Variants in MYO16 observed in about 807,000 individuals in gnomAD.
The protein encoded by MYO16 is myosin XVI, also known as unconventional myosin-XVI.
A neutral mutation model predicts 205.3 loss-of-function variants in MYO16; 94 were observed. The ratio of observed to expected loss-of-function variants is 0.46; its 90% confidence interval spans 0.39 to 0.54. The LOEUF (loss-of-function observed/expected upper bound fraction) is 0.54, where lower values mean the gene tolerates loss of function less well. Ranked by LOEUF, MYO16 falls within the 20% of genes least tolerant of loss-of-function variation. MYO16 has a pLI of 0.00. For missense variants in MYO16, 2,315 were observed against 2,387.5 expected, an observed-to-expected ratio of 0.97 and a Z score of 0.63; for synonymous variants, 988 against 954.0, an observed-to-expected ratio of 1.04 and a Z score of -0.66.
chr13:108,985,423 G>A (rs1212111485), intron 20 of MYO16, among the ~76,000 whole-genome samples: 2 of 152,170 alleles, frequency 1.3e-5, no homozygotes, highest in East Asian at 3.9e-4. Flanking sequence ...TTGTGGGAAG[G>A]AGTAAAGTCA....
chr13:108,585,743 G>A, the MYO16 span, among the ~76,000 whole-genome samples: 2 of 151,998 alleles, frequency 1.3e-5, no homozygotes, highest in Non-Finnish European at 2.9e-5. Flanking sequence ...AATATATAGG[G>A]TCAAATGAAA....
chr13:109,152,995 T>C (rs549542995), intron 32 of MYO16, among the ~76,000 whole-genome samples: 1 of 152,240 alleles, frequency 6.6e-6, no homozygotes, highest in South Asian at 2.1e-4. Context: ...AAGCAGACCA[T>C]GGCAAGGAAA....
At chr13:108,772,360 A>AAAAAGAAAAG (rs111731215) in intron 4 of MYO16, among the ~76,000 whole-genome samples, 22 of 151,802 alleles carry the variant, frequency 1.4e-4, no homozygotes, top group African/African-American at 3.9e-4. Context: ...AAAAGAAAGA[A>AAAAAGAAAAG]AAAAGAAAAG....
At chr13:108,592,428 G>A (rs1343776593), upstream of MYO16, among the ~76,000 whole-genome samples, 1 of 110,844 alleles carries the variant, frequency 9.0e-6, no homozygotes, top group Non-Finnish European at 1.9e-5. Flanking sequence ...TGTGTGTGGA[G>A]GGGGGTATGT....
At chr13:109,157,835 A>G (rs1594139594) in intron 32 of MYO16, among the ~76,000 whole-genome samples, 1 of 152,160 alleles carries the variant, frequency 6.6e-6, no homozygotes, top group Admixed American at 6.5e-5. Context: ...TCATTCTTCT[A>G]TACCCCTCAG....
intron 27 of MYO16, among the ~76,000 whole-genome samples, chr13:109,084,459 A>G (rs1029934577): frequency 6.6e-6 from 1 of 152,142 alleles, no homozygotes; most frequent in Non-Finnish European, 1.5e-5. Context: ...TAAGAAATGA[A>G]TGGCTATGAA....
Position 108,727,487 on chromosome 13 carries a change from A to C in MYO16, c.411A>C (p.Arg137Ser). 1 of 1,613,936 alleles carries C rather than the reference A, an allele frequency of 6.2e-7. No individual in the cohort carries two copies. Among genetic ancestry groups the C allele is most frequent in the East Asian group, 2.2e-5 (1 of 44,852 alleles). Residue 137 changes from arginine (R) to serine (S), a missense_variant, in exon 4 of 35, where the codon AGA (arginine) becomes AGC (serine). Around this residue, in one of 3 missense-constraint regions of MYO16, gnomAD observed 1,213 missense variants for 1,274.4 expected, o/e 0.95. Transcript: ENST00000457511. The part of the protein sequence containing the change: ...NAFIAEILID[R>S]GVNVNHQDED... ...TCATTGCAGAAATTCTGATTGACAG[A>C]GGAGTCAACGTCAACCACCAGGATG...
At chr13:108,919,154 T>C (rs919129321) in intron 16 of MYO16, among the ~76,000 whole-genome samples, 3 of 152,144 alleles carry the variant, frequency 2.0e-5, no homozygotes, top group African/African-American at 7.2e-5. Context: ...GTCATGTGTA[T>C]AAAAAAGAGG....
rs1877087917 is a variant in MYO16, at chr13:109,141,359, A to G, written c.5147A>G (p.Lys1716Arg). The change falls in exon 32 of 35, where the codon AAA becomes AGA. Residue 1716 changes from lysine (K) to arginine (R), a missense_variant. This residue lies in a region of MYO16 where 1,097 missense variants were observed against 1,092.0 expected (regional missense o/e 1.00). Transcript: ENST00000457511. This position sits in a 1 kb window ranked among gnomAD's most constrained non-coding sequence, Gnocchi z 4.1. Reference sequence around the variant, plus strand: ...CTTCGGAAATCCGCGGCGGGAAGAAAAATCAGGGAAGCAGAAGGTAAGCGG... The same window carrying G: ...CTTCGGAAATCCGCGGCGGGAAGAAGAATCAGGGAAGCAGAAGGTAAGCGG... ...SVLRKSAAGR[K>R]IREAEGFETN... 1.3e-6 allele frequency: 2 copies of G among 1,543,378 alleles called. No homozygotes were observed. The highest frequency in any genetic ancestry group is 1.4e-5 in the African/African-American group (1 of 71,002).
At chr13:108,962,378 CA>C in intron 18 of MYO16, 45 bp from the exon 19 acceptor site, 5 of 1,491,226 alleles carry the variant, frequency 3.4e-6, no homozygotes, top group Middle Eastern at 1.7e-4. Context: ...TTCTTGGTAT[CA>C]AAAAATATAC....
At chr13:108,859,868 A>G (rs539197976) in intron 11 of MYO16, among the ~76,000 whole-genome samples, 2 of 152,316 alleles carry the variant, frequency 1.3e-5, no homozygotes, top group East Asian at 3.9e-4. Flanking sequence ...AGCCAAGAGA[A>G]TTCTGAAACA....
chr13:109,169,291 C>A (rs1878830639), intron 33 of MYO16, among the ~76,000 whole-genome samples: 1 of 151,418 alleles, frequency 6.6e-6, no homozygotes, highest in South Asian at 2.1e-4. Context: ...AGAAACAGAA[C>A]AAAAACTAAA....
chr13:108,966,370 G>A (rs1245249917), intron 20 of MYO16, among the ~76,000 whole-genome samples: 1 of 152,114 alleles, frequency 6.6e-6, no homozygotes, highest in African/African-American at 2.4e-5. Context: ...GCTGTACATA[G>A]AAACTTCTAG....
chr13:108,882,348 C>A (rs1274745042), intron 12 of MYO16, among the ~76,000 whole-genome samples: 2 of 152,100 alleles, frequency 1.3e-5, no homozygotes, highest in African/African-American at 4.8e-5. Context: ...ACCACCATGC[C>A]CTTGACTCTC....
intron 32 of MYO16, among the ~76,000 whole-genome samples, chr13:109,157,451 C>T (rs1475184832): frequency 6.6e-6 from 1 of 152,058 alleles, no homozygotes; most frequent in Non-Finnish European, 1.5e-5. Flanking sequence ...TTTTCCCTCC[C>T]CCTCTCCACA....
Position 109,127,569 on chromosome 13 carries a change from C to CCCAG in MYO16, c.4051+22_4051+25dup. 3.1e-6 allele frequency: 5 copies of CCCAG among 1,603,810 alleles called. No homozygotes were observed. The highest frequency in any genetic ancestry group is 4.2e-6 in the Non-Finnish European group (5 of 1,178,536). On this transcript the variant is annotated intron_variant, in intron 31 of 34. Transcript: ENST00000457511. This position sits in a 1 kb window ranked among gnomAD's most constrained non-coding sequence, Gnocchi z 4.2. ...AACGAAGGTCAGCCCTGGGGAGGGACCCAGCCTCGTGTTCCGGGCTCGCGC... is the reference window on the plus strand; with the variant it reads ...AACGAAGGTCAGCCCTGGGGAGGGACCCAGCCAGCCTCGTGTTCCGGGCTCGCGC...
At chr13:108,764,517 A>G (rs1032359561) in intron 4 of MYO16, among the ~76,000 whole-genome samples, 1 of 152,180 alleles carries the variant, frequency 6.6e-6, no homozygotes, top group South Asian at 2.1e-4. Context: ...GGCTGGTTTC[A>G]TTCAAGGCTT....
chr13:108,949,204 T>G (rs1883050118), intron 16 of MYO16, among the ~76,000 whole-genome samples: 1 of 152,174 alleles, frequency 6.6e-6, no homozygotes, highest in South Asian at 2.1e-4. Context: ...TGTGCTTTTT[T>G]CATACTGATT....
intron 2 of MYO16, among the ~76,000 whole-genome samples, chr13:108,690,373 G>T (rs1197122740): frequency 1.2e-5 from 1 of 84,994 alleles, no homozygotes; most frequent in Non-Finnish European, 2.7e-5. Flanking sequence ...ACTTAAGAAT[G>T]GGAAGTCTCC....
Sources: gnomAD v4.1 joint callset for allele counts (sites outside exome capture counted in the v4.1 genomes callset) on GRCh38, gnomAD v4.1.1 for gene constraint, gnomAD v4.1.1 regional missense constraint, Gnocchi (gnomAD v3.1) non-coding constraint, MANE v1.5 for transcripts, NCBI Gene and HGNC (gene_info 2026-07-23, HGNC 2026-07-21) for gene names.